Variants in PTPRD observed in about 807,000 individuals in gnomAD.
PTPRD encodes receptor-type tyrosine-protein phosphatase delta.
In PTPRD, 34 loss-of-function variants were observed where a neutral mutation model predicts 214.5. The observed-to-expected ratio is 0.16, with a 90% CI of 0.12 to 0.21. PTPRD has a LOEUF of 0.21. Among genes scored for constraint, PTPRD ranks in the 10% least tolerant of loss-of-function variants. The pLI, the probability that PTPRD is intolerant of heterozygous loss-of-function variation, is 1.00. For missense variants in PTPRD, 2,545 were observed against 2,398.7 expected, an observed-to-expected ratio of 1.06 and a Z score of -1.27; for synonymous variants, 1,128 against 845.7, an observed-to-expected ratio of 1.33 and a Z score of -5.79.
At chr9:9,857,983 A>G (rs2061889830) in intron 5 of PTPRD, among the ~76,000 whole-genome samples, 1 of 152,224 alleles carries the variant, frequency 6.6e-6, no homozygotes, top group South Asian at 2.1e-4. Context: ...GAAGATATGA[A>G]GAATGCATTA....
At chr9:10,353,486 T>A (rs1452300184) in intron 2 of PTPRD, among the ~76,000 whole-genome samples, 1 of 151,990 alleles carries the variant, frequency 6.6e-6, no homozygotes, top group Non-Finnish European at 1.5e-5. Context: ...TATTCTGTTC[T>A]CAAGAATACA....
chr9:10,439,716 C>A lies in PTPRD; in HGVS notation c.-599-98699G>T, dbSNP rs190156473. 8.2e-4 allele frequency among the ~76,000 whole-genome samples: 125 copies of A among 151,854 alleles called. 1 individual carries two copies. In the East Asian group the frequency reaches 0.01, roughly 12 times the overall value. On this transcript the variant is annotated intron_variant, in intron 2 of 45. Transcript: ENST00000381196. ...GACACAGACTGTTTGGAATTTTCCA[C>A]AATTATTTTTCCTACTTTTCACAGC...
chr9:9,780,983 A>C (rs1010471491), intron 5 of PTPRD, among the ~76,000 whole-genome samples: 1 of 152,286 alleles, frequency 6.6e-6, no homozygotes, highest in African/African-American at 2.4e-5. Context: ...GTAATAAGCA[A>C]AGCTATACAA....
At chr9:10,568,067 T>C (rs1024947884) in intron 2 of PTPRD, among the ~76,000 whole-genome samples, 6 of 151,878 alleles carry the variant, frequency 4.0e-5, no homozygotes, top group Non-Finnish European at 7.4e-5. Context: ...CTGCACCCAT[T>C]AACTCGTCAT....
At chr9:8,981,938 C>A (rs1392616528) in intron 11 of PTPRD, among the ~76,000 whole-genome samples, 1 of 151,992 alleles carries the variant, frequency 6.6e-6, no homozygotes, top group African/African-American at 2.4e-5. Flanking sequence ...TTTCCACTGA[C>A]TCTCTAGGAT....
intron 23 of PTPRD, among the ~76,000 whole-genome samples, chr9:8,502,902 C>T (rs532536453): frequency 6.7e-6 from 1 of 149,750 alleles, no homozygotes; most frequent in East Asian, 2.0e-4. Flanking sequence ...GGTTTGTAAA[C>T]CATGGGAAAT....
chr9:9,761,331 A>C (rs2098654266), intron 6 of PTPRD, among the ~76,000 whole-genome samples: 1 of 152,208 alleles, frequency 6.6e-6, no homozygotes, highest in South Asian at 2.1e-4. Context: ...AAATGACAAC[A>C]TTTTAGAAAT....
intron 11 of PTPRD, among the ~76,000 whole-genome samples, chr9:8,832,038 C>A (rs7048621): frequency 1.3e-5 from 2 of 151,710 alleles, no homozygotes; most frequent in African/African-American, 4.8e-5. Context: ...GTGTTTGCAA[C>A]CTTCTGAGAG....
intron 33 of PTPRD, 158 bp from the exon 34 acceptor site, chr9:8,449,995 C>T: frequency 4.5e-6 from 3 of 666,212 alleles, no homozygotes; most frequent in Non-Finnish European, 7.5e-6. Flanking sequence ...TTGCTTTTCC[C>T]CCCTGGCCTA....
At chr9:8,382,507 C>T (rs931569014) in intron 37 of PTPRD, among the ~76,000 whole-genome samples, 2 of 152,174 alleles carry the variant, frequency 1.3e-5, no homozygotes, top group Non-Finnish European at 2.9e-5. Flanking sequence ...AATCTGTCAG[C>T]TGCCTTTCTA....
intron 7 of PTPRD, among the ~76,000 whole-genome samples, chr9:9,617,767 C>CT (rs1404199574): frequency 6.6e-6 from 1 of 151,858 alleles, no homozygotes; most frequent in Non-Finnish European, 1.5e-5. Context: ...TTTATCTTGA[C>CT]TTTTTTTAAG....
chr9:9,771,239 G>A (rs1165958156), intron 5 of PTPRD, among the ~76,000 whole-genome samples: 1 of 152,054 alleles, frequency 6.6e-6, no homozygotes, highest in African/African-American at 2.4e-5. Context: ...TACACATAGA[G>A]TCAATGTTTT....
At chr9:8,906,567 T>C (rs951042687) in intron 11 of PTPRD, among the ~76,000 whole-genome samples, 1 of 152,208 alleles carries the variant, frequency 6.6e-6, no homozygotes, top group Admixed American at 6.5e-5. Context: ...CATCATCCTA[T>C]ACAAAAATGT....
chr9:9,788,804 T>C (rs541747102), intron 5 of PTPRD, among the ~76,000 whole-genome samples: 30 of 152,232 alleles, frequency 2.0e-4, no homozygotes, highest in African/African-American at 7.2e-4. Flanking sequence ...TTTTTCTGCA[T>C]GAAGTTGACA....
intron 3 of PTPRD, among the ~76,000 whole-genome samples, chr9:10,268,165 G>C (rs1390578906): frequency 1.4e-5 from 2 of 139,822 alleles, no homozygotes; most frequent in African/African-American, 2.7e-5. Flanking sequence ...TAGTGTGCTT[G>C]TTTAGTCTTA....
chr9:10,070,634 A>G (rs535905282), intron 3 of PTPRD, among the ~76,000 whole-genome samples: 2 of 152,184 alleles, frequency 1.3e-5, no homozygotes, highest in Non-Finnish European at 2.9e-5. Context: ...CTTTGATTAC[A>G]TTTTAATTAA....
intron 3 of PTPRD, among the ~76,000 whole-genome samples, chr9:10,248,518 AAAAAAAAAT>A (rs2154367582): frequency 1.5e-5 from 1 of 65,930 alleles, no homozygotes; most frequent in African/African-American, 3.2e-5. Flanking sequence ...TAGCAAAAAA[AAAAAAAAAT>A]AAAAAAAATA....
At chr9:8,352,889 G>T (rs2075900572) in intron 39 of PTPRD, among the ~76,000 whole-genome samples, 1 of 152,084 alleles carries the variant, frequency 6.6e-6, no homozygotes, top group Non-Finnish European at 1.5e-5. Context: ...GAGGCGGACG[G>T]ATCACGAAGT....
At chr9:10,131,671 T>A (rs1050851879) in intron 3 of PTPRD, among the ~76,000 whole-genome samples, 2 of 152,158 alleles carry the variant, frequency 1.3e-5, no homozygotes, top group Non-Finnish European at 2.9e-5. Flanking sequence ...TAACTCGGTA[T>A]CTTTCATAAT....
Sources: allele counts gnomAD v4.1 joint callset (sites outside exome capture counted in the v4.1 genomes callset), GRCh38; gene constraint gnomAD v4.1.1; transcripts MANE v1.5; gene names NCBI Gene and HGNC (gene_info 2026-07-23, HGNC 2026-07-21).